NBEA: variants seen among roughly 807,000 people sequenced by gnomAD.
NBEA encodes the protein lysosomal-trafficking regulator 2.
In NBEA, 44 loss-of-function variants were observed where a neutral mutation model predicts 343.4. That is an observed-to-expected ratio of 0.13 (90% CI 0.10 to 0.16). The LOEUF is 0.16. NBEA is among the 10% of genes least tolerant of loss of function. The pLI is 1.00. For missense variants in NBEA, 2,555 were observed against 3,631.3 expected (o/e 0.70, Z 7.62); for synonymous variants, 1,175 against 1,238.7 (o/e 0.95, Z 1.08).
At chr13:35,171,151 T>A in intron 25 of NBEA, 121 bp from the exon 26 acceptor site, 1 of 928,228 alleles carries the variant, frequency 1.1e-6, no homozygotes, top group Non-Finnish European at 1.7e-6. Flanking sequence ...GAACATTTAT[T>A]TTATTTATAA....
intron 10 of NBEA, among the ~76,000 whole-genome samples, chr13:35,082,770 T>G (rs1046604762): frequency 2.0e-5 from 3 of 152,142 alleles, no homozygotes; most frequent in Admixed American, 1.3e-4. Flanking sequence ...GGGTTGTTTG[T>G]TTTTTTCTTG....
intron 10 of NBEA, among the ~76,000 whole-genome samples, chr13:35,079,212 A>G (rs1008749640): frequency 2.6e-5 from 4 of 152,220 alleles, no homozygotes; most frequent in African/African-American, 9.6e-5. Flanking sequence ...ATATTCTGAT[A>G]TAAAATCAGG....
intron 36 of NBEA, among the ~76,000 whole-genome samples, chr13:35,342,169 G>T (rs1454517901): frequency 6.6e-6 from 1 of 151,982 alleles, no homozygotes; most frequent in African/African-American, 2.4e-5. Context: ...GAAACAGAAT[G>T]TAGACTAGTA....
chr13:35,309,852 AG>A (rs2037235732), intron 36 of NBEA, among the ~76,000 whole-genome samples: 1 of 152,120 alleles, frequency 6.6e-6, no homozygotes, highest in African/African-American at 2.4e-5. Context: ...TGAGTAGTAA[AG>A]TTGTTTTACA....
chr13:35,216,946 T>C (rs2074097633), intron 33 of NBEA, among the ~76,000 whole-genome samples: 1 of 151,968 alleles, frequency 6.6e-6, no homozygotes, highest in African/African-American at 2.4e-5. Context: ...ATGGTAAGTA[T>C]ATGATTAGTT....
intron 41 of NBEA, among the ~76,000 whole-genome samples, chr13:35,506,827 A>G (rs987329077): frequency 6.6e-6 from 1 of 152,118 alleles, no homozygotes; most frequent in Non-Finnish European, 1.5e-5. Flanking sequence ...TTATAGAACC[A>G]TTGCCATAGA....
At chr13:35,048,255 A>T (rs577161863) in intron 4 of NBEA, among the ~76,000 whole-genome samples, 1 of 152,058 alleles carries the variant, frequency 6.6e-6, no homozygotes, top group East Asian at 1.9e-4. Flanking sequence ...CTTATGTGTA[A>T]GAGACTGTAT....
chr13:35,490,498 A>T (rs949801259), intron 41 of NBEA, among the ~76,000 whole-genome samples: 2 of 151,936 alleles, frequency 1.3e-5, no homozygotes, highest in East Asian at 3.9e-4. Context: ...CCAGCCTCAG[A>T]TAAATTCTAG....
intron 31 of NBEA, among the ~76,000 whole-genome samples, chr13:35,206,132 TATAAGTC>T (rs1384020927): frequency 6.6e-6 from 1 of 152,128 alleles, no homozygotes; most frequent in Non-Finnish European, 1.5e-5. Context: ...ATATTTTACT[TATAAGTC>T]ATAATTATGG....
At chr13:35,247,258 T>C (rs1038068490) in intron 34 of NBEA, among the ~76,000 whole-genome samples, 3 of 152,200 alleles carry the variant, frequency 2.0e-5, no homozygotes, top group Admixed American at 1.3e-4. Context: ...CTGCCTGTCA[T>C]GTCTTCACAC....
intron 38 of NBEA, among the ~76,000 whole-genome samples, chr13:35,415,727 G>T (rs1387660067): frequency 6.6e-6 from 1 of 151,882 alleles, no homozygotes; most frequent in African/African-American, 2.4e-5. Context: ...GCTCTTTTTT[G>T]GTTCCATATG....
intron 40 of NBEA, among the ~76,000 whole-genome samples, chr13:35,464,154 G>A (rs1025063953): frequency 2.6e-5 from 4 of 151,732 alleles, no homozygotes; most frequent in Non-Finnish European, 4.4e-5. Context: ...CCATCTTCTC[G>A]GGAGAATGTG....
intron 47 of NBEA, among the ~76,000 whole-genome samples, chr13:35,595,273 G>A (rs2081734753): frequency 6.6e-6 from 1 of 151,990 alleles, no homozygotes; most frequent in African/African-American, 2.4e-5. Context: ...GACCAATGTG[G>A]ATATCACTAA....
At chr13:35,432,124 A>G (rs913694143) in intron 38 of NBEA, 145 bp from the exon 39 acceptor site, 10 of 464,154 alleles carry the variant, frequency 2.2e-5, no homozygotes, top group African/African-American at 4.0e-5. Flanking sequence ...ATATATACAC[A>G]AATACAAGTG....
intron 38 of NBEA, among the ~76,000 whole-genome samples, chr13:35,382,749 C>A (rs920696707): frequency 3.9e-5 from 6 of 152,032 alleles, no homozygotes; most frequent in African/African-American, 1.4e-4. Flanking sequence ...AGTAAAAATG[C>A]CTGTATTTTG....
intron 48 of NBEA, 101 bp downstream of exon 48, chr13:35,606,679 T>C: frequency 1.1e-6 from 1 of 901,434 alleles, no homozygotes; most frequent in Non-Finnish European, 1.5e-6. Context: ...CCAATTATAC[T>C]TAACATCTAT....
intron 45 of NBEA, among the ~76,000 whole-genome samples, chr13:35,579,452 A>G (rs1593276650): frequency 6.6e-6 from 1 of 152,128 alleles, no homozygotes; most frequent in African/African-American, 2.4e-5. Flanking sequence ...AGGGCTTGGT[A>G]CAATATGCAG....
chr13:35,097,857 A>T (rs1336769589), intron 10 of NBEA, among the ~76,000 whole-genome samples: 1 of 152,058 alleles, frequency 6.6e-6, no homozygotes, highest in African/African-American at 2.4e-5. Context: ...AAGTTTATTT[A>T]AAAATAGAGT....
chr13:35,512,540 T>G (rs1008189131), intron 41 of NBEA, among the ~76,000 whole-genome samples: 4 of 152,222 alleles, frequency 2.6e-5, no homozygotes, highest in African/African-American at 4.8e-5. Flanking sequence ...GAGCGTTCTT[T>G]TCTTCTTCTC....
Sources: allele counts gnomAD v4.1 joint callset (sites outside exome capture counted in the v4.1 genomes callset), GRCh38; gene constraint gnomAD v4.1.1; transcripts MANE v1.5; gene names NCBI Gene and HGNC (gene_info 2026-07-23, HGNC 2026-07-21).